The following CA10 variants were observed in gnomAD, a reference collection of about 807,000 sequenced individuals.
CA10 encodes carbonic anhydrase-related protein 10.
In CA10, 14 loss-of-function variants were observed where a neutral mutation model predicts 44.2. That is an observed-to-expected ratio of 0.32 (90% CI 0.21 to 0.50). CA10 has a LOEUF of 0.50. Ranked by LOEUF, CA10 falls within the 20% of genes least tolerant of loss-of-function variation. The pLI, the probability that CA10 is intolerant of heterozygous loss-of-function variation, is 0.99. For synonymous variants in CA10, 159 were observed against 141.6 expected, an observed-to-expected ratio of 1.12 and a Z score of -0.87; for missense variants, 350 against 409.7, an observed-to-expected ratio of 0.85 and a Z score of 1.26.
At chr17:51,859,298 G>A (rs1979195838) in intron 3 of CA10, among the ~76,000 whole-genome samples, 1 of 152,014 alleles carries the variant, frequency 6.6e-6, no homozygotes, top group South Asian at 2.1e-4. Flanking sequence ...TTCAACAAGG[G>A]GTTTCAGCCC....
chr17:51,852,014 T>C (rs1402254074), intron 3 of CA10, among the ~76,000 whole-genome samples: 2 of 152,196 alleles, frequency 1.3e-5, no homozygotes, highest in Non-Finnish European at 2.9e-5. Flanking sequence ...GACTTCTAGT[T>C]GAAAGGGCTT....
chr17:51,912,608 T>C (rs1981834013), intron 3 of CA10, among the ~76,000 whole-genome samples: 1 of 152,202 alleles, frequency 6.6e-6, no homozygotes, highest in African/African-American at 2.4e-5. Flanking sequence ...AAATTTGCTT[T>C]TCAAATACCA....
rs1195077175 is a variant in CA10 at position 51,630,882 on chromosome 17, A to G, written c.*702T>C. 6.5e-6 allele frequency: 1 copy of G among 152,704 alleles called. No homozygotes were observed. Among genetic ancestry groups the G allele is most frequent in the Non-Finnish European group, 1.5e-5 (1 of 68,064 alleles). The allele number at this position is 152,704 out of a possible 1,614,324, so 9.5% of individuals were successfully genotyped here. A position where few individuals can be genotyped will look rare whatever the true frequency, so the allele number is the denominator to read the frequency against. On this transcript the variant is annotated 3_prime_UTR_variant, in exon 9 of 9. Coordinates refer to ENST00000451037, the MANE Select transcript of CA10 (RefSeq NM_020178.5). The stretch of plus-strand genomic sequence containing the variant: ...ATCATTTCTGATCTTGGCAAATCCT[A>G]CTACAGATATGTGACAAAGAGGGAA...
chr17:51,999,666 CA>C (rs1370450921), intron 2 of CA10, among the ~76,000 whole-genome samples: 1 of 152,032 alleles, frequency 6.6e-6, no homozygotes, highest in Admixed American at 6.6e-5. Context: ...ATTCCATCAT[CA>C]AAGTTGAAAG....
At chr17:51,849,177 ATATATGTATATATATATATAC>A in intron 3 of CA10, among the ~76,000 whole-genome samples, 1 of 85,994 alleles carries the variant, frequency 1.2e-5, no homozygotes, top group Admixed American at 1.2e-4. Context: ...ATATATATAC[ATATATGTATATATATATATAC>A]ATATATGTAT....
intron 1 of CA10, among the ~76,000 whole-genome samples, chr17:52,149,746 G>T (rs2143408380): frequency 6.6e-6 from 1 of 152,264 alleles, no homozygotes; most frequent in Non-Finnish European, 1.5e-5. Flanking sequence ...TATAAACTCT[G>T]TAATCTATAT....
intron 2 of CA10, among the ~76,000 whole-genome samples, chr17:52,039,724 A>G (rs1304304772): frequency 6.6e-6 from 1 of 152,134 alleles, no homozygotes; most frequent in Admixed American, 6.5e-5. Context: ...TCTTTTAATC[A>G]TATGCTAAGT....
chr17:51,953,333 T>C (rs1983552125), intron 2 of CA10, among the ~76,000 whole-genome samples: 1 of 152,174 alleles, frequency 6.6e-6, no homozygotes, highest in Non-Finnish European at 1.5e-5. Context: ...AATTCCCACA[T>C]GTATTTGGGT....
intron 1 of CA10, among the ~76,000 whole-genome samples, chr17:52,111,690 A>C (rs956628844): frequency 6.6e-6 from 1 of 152,152 alleles, no homozygotes; most frequent in African/African-American, 2.4e-5. Context: ...GGAATGGAGG[A>C]AAGCTTTTTG....
chr17:51,946,475 C>T (rs1983276498), intron 2 of CA10, among the ~76,000 whole-genome samples: 1 of 152,160 alleles, frequency 6.6e-6, no homozygotes, highest in African/African-American at 2.4e-5. Context: ...TTTGACTGCC[C>T]TTTGCTGTCT....
intron 2 of CA10, among the ~76,000 whole-genome samples, chr17:51,998,173 C>A (rs1404170985): frequency 6.6e-6 from 1 of 152,094 alleles, no homozygotes; most frequent in African/African-American, 2.4e-5. Context: ...ATGTTCTTTA[C>A]AGAACCATGT....
chr17:51,966,683 T>G (rs947479171), intron 2 of CA10, among the ~76,000 whole-genome samples: 4 of 151,658 alleles, frequency 2.6e-5, no homozygotes, highest in East Asian at 3.9e-4. Flanking sequence ...CCCCTACCTT[T>G]CACCATATAT....
intron 2 of CA10, among the ~76,000 whole-genome samples, chr17:51,951,045 T>C (rs185969943): frequency 5.1e-4 from 78 of 152,292 alleles, no homozygotes; most frequent in African/African-American, 1.8e-3. Context: ...AAATATATAT[T>C]ATTCTTCACC....
intron 2 of CA10, among the ~76,000 whole-genome samples, chr17:52,027,268 T>C: frequency 6.6e-6 from 1 of 152,062 alleles, no homozygotes; most frequent in East Asian, 1.9e-4. Flanking sequence ...GGGGAGTGGC[T>C]GTAAATGCAG....
intron 3 of CA10, among the ~76,000 whole-genome samples, chr17:51,810,280 G>A (rs1907308122): frequency 6.6e-6 from 1 of 152,186 alleles, no homozygotes; most frequent in South Asian, 2.1e-4. Context: ...TGAATTCTTA[G>A]ATCCTCAAAC....
At chr17:51,637,036 TG>T (rs1434226549) in intron 6 of CA10, among the ~76,000 whole-genome samples, 1 of 152,100 alleles carries the variant, frequency 6.6e-6, no homozygotes, top group Non-Finnish European at 1.5e-5. Context: ...GTCAATGTAT[TG>T]GTTGTATTTT....
At chr17:52,025,824 TAA>T (rs1178909472) in intron 2 of CA10, among the ~76,000 whole-genome samples, 3 of 152,016 alleles carry the variant, frequency 2.0e-5, no homozygotes, top group Non-Finnish European at 4.4e-5. Context: ...AAGCTGTAGA[TAA>T]AGACAGAATT....
chr17:51,901,928 AAAGC>A (rs994472979), intron 3 of CA10, among the ~76,000 whole-genome samples: 2 of 152,184 alleles, frequency 1.3e-5, no homozygotes, highest in African/African-American at 4.8e-5. Flanking sequence ...AGAAATGGAA[AAAGC>A]AAGACAGAAA....
intron 3 of CA10, among the ~76,000 whole-genome samples, chr17:51,760,834 A>G (rs1212140045): frequency 6.6e-6 from 1 of 152,232 alleles, no homozygotes; most frequent in East Asian, 1.9e-4. Context: ...TGAGATTAAC[A>G]TTAGGAGTTT....
Sources: allele counts gnomAD v4.1 joint callset (sites outside exome capture counted in the v4.1 genomes callset), GRCh38; gene constraint gnomAD v4.1.1; transcripts MANE v1.5; gene names NCBI Gene and HGNC (gene_info 2026-07-23, HGNC 2026-07-21).